Variants in TSPAN12 observed in about 807,000 individuals in gnomAD.
TSPAN12 encodes the protein tetraspanin 12.
Under a neutral mutation model 39.2 loss-of-function variants are expected in TSPAN12, and 19 were observed. The ratio of observed to expected loss-of-function variants is 0.49; its 90% CI spans 0.34 to 0.71. TSPAN12 has a LOEUF of 0.71. Ranked by LOEUF, TSPAN12 falls within the 30% of genes least tolerant of loss-of-function variation. TSPAN12 has a pLI of 0.01. For missense variants in TSPAN12, 314 were observed against 359.9 expected (o/e 0.87, Z 1.03); for synonymous variants, 119 against 124.8 (o/e 0.95, Z 0.31).
intron 6 of TSPAN12, among the ~76,000 whole-genome samples, chr7:120,808,450 C>T (rs1480306204): frequency 1.3e-5 from 2 of 152,070 alleles, no homozygotes; most frequent in Non-Finnish European, 2.9e-5. Flanking sequence ...TTCCTGTCTA[C>T]TTTAATATCA....
rs540612899 is a variant in TSPAN12 at position 120,798,913 on chromosome 7, T to G, written c.612+7636A>C. On this transcript the variant is annotated intron_variant, in intron 7 of 7. Coordinates refer to ENST00000222747, the MANE Select transcript of TSPAN12 (RefSeq NM_012338.4). ...GCCCAAAGAGTTACTACCACTACTA[T>G]GTGTTCCCATTGGTTATCTCAATCA... Among the ~76,000 whole-genome samples the G allele has an allele frequency of 3.5e-4, 54 of 152,322 alleles. 1 individual carries two copies. The highest frequency in any genetic ancestry group is 5.6e-4 in the Non-Finnish European group (38 of 68,028).
At chr7:120,844,391 A>T (rs1385620959) in intron 2 of TSPAN12, among the ~76,000 whole-genome samples, 1 of 152,220 alleles carries the variant, frequency 6.6e-6, no homozygotes, top group African/African-American at 2.4e-5. Context: ...GCATTAACTC[A>T]AAAGTCCACA....
At chr7:120,808,937 T>C (rs920129249) in intron 6 of TSPAN12, among the ~76,000 whole-genome samples, 26 of 151,488 alleles carry the variant, frequency 1.7e-4, no homozygotes, top group African/African-American at 6.3e-4. Flanking sequence ...CCTAATCCAG[T>C]ATGACTGATG....
chr7:120,796,003 C>G (rs114044185), intron 7 of TSPAN12, among the ~76,000 whole-genome samples: 203 of 152,186 alleles, frequency 1.3e-3, no homozygotes, highest in African/African-American at 4.7e-3. Flanking sequence ...TCGCAATATC[C>G]CTATTACATA....
At chr7:120,850,033 C>A (rs191836943) in intron 2 of TSPAN12, among the ~76,000 whole-genome samples, 1 of 152,350 alleles carries the variant, frequency 6.6e-6, no homozygotes, top group African/African-American at 2.4e-5. Context: ...CTCAGCTTCC[C>A]TCTACCAGGG....
At chr7:120,847,503 A>G (rs929861381) in intron 2 of TSPAN12, among the ~76,000 whole-genome samples, 2 of 152,202 alleles carry the variant, frequency 1.3e-5, no homozygotes, top group Admixed American at 6.5e-5. Flanking sequence ...CCATTCCTCC[A>G]AAACCTGTAT....
chr7:120,804,316 G>A (rs924997224), intron 7 of TSPAN12, among the ~76,000 whole-genome samples: 3 of 151,892 alleles, frequency 2.0e-5, no homozygotes, highest in South Asian at 4.2e-4. Context: ...ACTGTTTTCC[G>A]TTTTATGGAA....
Position 120,856,840 on chromosome 7 carries a change from G to C in TSPAN12, c.-70-7C>G, listed in dbSNP as rs1460267412. ...AGGGCAAAACGGCAGCGATCTGCAGGGGGCGGGGGAGAGAGAACACGGGAC... is the reference window on the plus strand; with the variant it reads ...AGGGCAAAACGGCAGCGATCTGCAGCGGGCGGGGGAGAGAGAACACGGGAC... On this transcript the variant is annotated splice_region_variant and splice_polypyrimidine_tract_variant and intron_variant, in intron 1 of 7. Transcript: ENST00000222747. 4.3e-5 allele frequency: 64 copies of C among 1,499,640 alleles called. No individual in the cohort carries two copies. The highest frequency in any genetic ancestry group is 5.8e-5 in the Non-Finnish European group (63 of 1,077,246). 92.9% of individuals were successfully genotyped at this position (1,499,640 alleles called of 1,614,324 possible).
At chr7:120,803,703 T>C (rs1793816892) in intron 7 of TSPAN12, among the ~76,000 whole-genome samples, 1 of 152,212 alleles carries the variant, frequency 6.6e-6, no homozygotes, top group African/African-American at 2.4e-5. Context: ...CAGCTTGCTA[T>C]TAAAATTCTT....
chr7:120,805,350 C>T (rs545371508), intron 7 of TSPAN12, among the ~76,000 whole-genome samples: 2 of 152,022 alleles, frequency 1.3e-5, no homozygotes, highest in Admixed American at 1.3e-4. Context: ...TCAACAACTG[C>T]CTTTGGCAGA....
At chr7:120,842,039 C>A (rs1794588103) in intron 2 of TSPAN12, among the ~76,000 whole-genome samples, 1 of 152,090 alleles carries the variant, frequency 6.6e-6, no homozygotes, top group South Asian at 2.1e-4. Context: ...ATTCGACTTA[C>A]CCTGATTTTT....
intron 2 of TSPAN12, among the ~76,000 whole-genome samples, chr7:120,849,663 A>G (rs1296767865): frequency 1.3e-5 from 2 of 152,254 alleles, no homozygotes; most frequent in East Asian, 3.8e-4. Flanking sequence ...ACTTCGACAA[A>G]TAATTCAAAC....
intron 1 of TSPAN12, 197 bp from the exon 2 acceptor site, chr7:120,857,030 A>G (rs1027305312): frequency 1.8e-6 from 1 of 555,884 alleles, no homozygotes; most frequent in African/African-American, 1.9e-5. Flanking sequence ...AACCGGCTTC[A>G]GATAACACCT....
At chr7:120,801,767 T>C (rs1273672003) in intron 7 of TSPAN12, among the ~76,000 whole-genome samples, 2 of 152,216 alleles carry the variant, frequency 1.3e-5, no homozygotes, top group Non-Finnish European at 2.9e-5. Context: ...TTTGAGGGGC[T>C]ACTTATGCTA....
rs1209259013 is a variant in TSPAN12 at position 120,802,929 on chromosome 7, T to C, written c.612+3620A>G. Among the ~76,000 whole-genome samples, 5 of 152,326 alleles carry C rather than the reference T, an allele frequency of 3.3e-5. No homozygotes were observed. The East Asian group carries it at 9.6e-4, about 29-fold the overall frequency. On this transcript the variant is annotated intron_variant, in intron 7 of 7. Transcript: ENST00000222747. Reference sequence around the variant, plus strand: ...GTCAGGGACCATGCAGGCTACCAGATGGTTGAGAATGATTTATTTCCTTGA... The same window carrying C: ...GTCAGGGACCATGCAGGCTACCAGACGGTTGAGAATGATTTATTTCCTTGA...
chr7:120,829,127 C>G (rs1408584054), intron 4 of TSPAN12, among the ~76,000 whole-genome samples: 11 of 152,032 alleles, frequency 7.2e-5, no homozygotes, highest in Non-Finnish European at 1.5e-4. Flanking sequence ...CAAAGTGATA[C>G]AACTACAGTG....
chr7:120,841,842 G>A lies in TSPAN12; in HGVS notation c.67-1733C>T, dbSNP rs191847782. On this transcript the variant is annotated intron_variant, in intron 2 of 7. Coordinates refer to ENST00000222747, the MANE Select transcript of TSPAN12 (RefSeq NM_012338.4). ...TGAAACTGGGTAATGAATAATTGGG[G>A]ATTAATTACACTGTGTTTTTCTACT... Among the ~76,000 whole-genome samples the A allele has an allele frequency of 2.0e-5, 3 of 152,228 alleles. No individual in the cohort carries two copies. The East Asian group carries it at 5.8e-4, about 29-fold the overall frequency.
chr7:120,789,537 C>T, intron 7 of TSPAN12, among the ~76,000 whole-genome samples: 1 of 152,202 alleles, frequency 6.6e-6, no homozygotes, highest in East Asian at 1.9e-4. Context: ...ACAAAGACAA[C>T]TCACCAAAAT....
chr7:120,856,260 C>T (rs1260734773), intron 2 of TSPAN12, among the ~76,000 whole-genome samples: 4 of 152,106 alleles, frequency 2.6e-5, no homozygotes, highest in Non-Finnish European at 2.9e-5. Context: ...CACCACCTCC[C>T]CCTCGTCCCC....
Sources: allele counts gnomAD v4.1 joint callset (sites outside exome capture counted in the v4.1 genomes callset), GRCh38; gene constraint gnomAD v4.1.1; transcripts MANE v1.5; gene names NCBI Gene and HGNC (gene_info 2026-07-23, HGNC 2026-07-21).